Variants in ZNF589 observed in about 807,000 individuals in gnomAD.
The protein encoded by ZNF589 is zinc finger protein 589.
Under a neutral mutation model 13.6 loss-of-function variants are expected in ZNF589, and 17 were observed. That is an observed-to-expected ratio of 1.25 (90% CI 0.86 to 1.88). The LOEUF (loss-of-function observed/expected upper bound fraction) is 1.88. Among genes scored for constraint, ZNF589 ranks in the 40% most tolerant of loss-of-function variants. The probability of loss-of-function intolerance (pLI) is 0.00; values close to 1 mark genes in which losing one functional copy is unlikely to be tolerated. For synonymous variants in ZNF589, 148 were observed against 161.6 expected (o/e 0.92, Z 0.64); for missense variants, 407 against 434.0 (o/e 0.94, Z 0.55).
intron 3 of ZNF589, 38 bp from the exon 4 acceptor site, chr3:48,267,877 T>G (rs368415298): frequency 5.7e-5 from 89 of 1,562,868 alleles, no homozygotes; most frequent in Non-Finnish European, 7.5e-5. Flanking sequence ...AGTCAGCCCT[T>G]CCTATGACTC....
In ZNF589 at chr3:48,268,056, G is replaced by A. The variant is rs778741057; in HGVS notation, c.365G>A (p.Cys122Tyr). Residue 122 changes from cysteine to tyrosine, a missense_variant, in exon 4 of 4, where the codon TGC (cysteine) becomes TAC (tyrosine). Physicochemically the swap from Cys to Tyr is radical, Grantham distance 194. Coordinates refer to ENST00000354698, the MANE Select transcript of ZNF589 (RefSeq NM_016089.3). ...AGNQLHPGNPCPEDQPQSQHP... is the reference protein window; with the variant it reads ...AGNQLHPGNPYPEDQPQSQHP... ...AATCAACTCCACCCAGGAAATCCCTGCCCAGAGGATCAGCCACAGTCACAA... is the reference window on the plus strand; with the variant it reads ...AATCAACTCCACCCAGGAAATCCCTACCCAGAGGATCAGCCACAGTCACAA... 2 of 1,614,180 alleles carry A rather than the reference G, an allele frequency of 1.2e-6. No individual in the cohort carries two copies. The highest frequency in any genetic ancestry group is 1.7e-6 in the Non-Finnish European group (2 of 1,180,038).
At chr3:48,262,522 A>G (rs1322032663) in intron 3 of ZNF589, among the ~76,000 whole-genome samples, 1 of 152,178 alleles carries the variant, frequency 6.6e-6, no homozygotes, top group Non-Finnish European at 1.5e-5. Flanking sequence ...CAGTATCATG[A>G]TCAGAACTCA....
At position 48,268,384 on chromosome 3, in the gene ZNF589, C is replaced by G. The variant is rs2106851092; in HGVS notation, c.693C>G (p.Phe231Leu). ...CTTTTAACCAGAAGTCAAACCTGTT[C>G]AGACAGAAGGCAGTCACAGCAGAAA... ...ALAFNQKSNL[F>L]RQKAVTAEKS... The change falls in exon 4 of 4, where the codon TTC becomes TTG. Residue 231 changes from phenylalanine (F) to leucine (L), a missense_variant. Phe to Leu is a conservative substitution (Grantham distance 22). Coordinates refer to ENST00000354698, the MANE Select transcript of ZNF589 (RefSeq NM_016089.3). The G allele has an allele frequency of 6.2e-7, 1 of 1,614,156 alleles. No homozygotes were observed. The highest frequency in any genetic ancestry group is 2.2e-5 in the East Asian group (1 of 44,888).
At chr3:48,242,265 C>G (rs2033707091) in intron 1 of ZNF589, among the ~76,000 whole-genome samples, 1 of 152,128 alleles carries the variant, frequency 6.6e-6, no homozygotes, top group South Asian at 2.1e-4. Flanking sequence ...GACACGCCAC[C>G]ACGCCCGGCT....
rs757911393 is a variant in ZNF589, at chr3:48,268,066, T to C, written c.375T>C (p.Asp125=). Residue 125 remains aspartate (D), a synonymous_variant, in exon 4 of 4, where the codon GAT becomes GAC. Coordinates refer to ENST00000354698, the MANE Select transcript of ZNF589 (RefSeq NM_016089.3). ...ACCCAGGAAATCCCTGCCCAGAGGA[T>C]CAGCCACAGTCACAACATCCTTCTG... ...QLHPGNPCPE[D]QPQSQHPSDK... 6.8e-6 allele frequency: 11 copies of C among 1,614,068 alleles called. No homozygotes were observed. The highest frequency in any genetic ancestry group is 6.7e-5 in the Admixed American group (4 of 60,004).
chr3:48,268,506 G>A lies in ZNF589; in HGVS notation c.815G>A (p.Gly272Glu). 1 of 1,613,468 alleles carries A rather than the reference G, an allele frequency of 6.2e-7. No homozygotes were observed. The highest frequency in any genetic ancestry group is 8.5e-7 in the Non-Finnish European group (1 of 1,179,812). ...QLIIHQRTHT[G>E]EKPYVCGECG... ...ATCATACACCAGAGGACACACACAG[G>A]AGAAAAGCCTTATGTCTGCGGAGAG... Residue 272 changes from glycine to glutamate, a missense_variant, in exon 4 of 4, where the codon GGA becomes GAA. Gly to Glu is a moderately conservative substitution (Grantham distance 98). Coordinates refer to ENST00000354698, the MANE Select transcript of ZNF589 (RefSeq NM_016089.3).
intron 3 of ZNF589, among the ~76,000 whole-genome samples, chr3:48,266,424 C>G (rs1056846461): frequency 6.6e-6 from 1 of 152,204 alleles, no homozygotes; most frequent in African/African-American, 2.4e-5. Context: ...TCCAGAGGAG[C>G]TACTGAAACC....
rs767912910 is a variant in ZNF589, at chr3:48,268,760, G to C, written c.1069G>C (p.Asp357His). ...LIKHQRIHTG[D>H]KPYVCRD is the part of the protein sequence containing the mutation. ...TAAGCACCAGAGAATTCACACGGGG[G>C]ATAAGCCTTATGTGTGCAGAGATTG... is the stretch of plus-strand genomic sequence containing the variant. The change falls in exon 4 of 4, where the codon GAT becomes CAT. Residue 357 changes from aspartate (D) to histidine (H), a missense_variant. Asp to His is a moderately conservative substitution (Grantham distance 81). Coordinates refer to ENST00000354698, the MANE Select transcript of ZNF589 (RefSeq NM_016089.3). 1.9e-6 allele frequency: 3 copies of C among 1,613,796 alleles called. No homozygotes were observed. In the Admixed American group the frequency reaches 5.0e-5, roughly 27 times the overall value.
rs368247033 is a variant in ZNF589 at position 48,269,595 on chromosome 3, CGG to C, written c.*813_*814del. 1.9e-3 allele frequency: 651 copies of C among 338,996 alleles called. 7 individuals carry two copies. Among genetic ancestry groups the C allele is most frequent in the African/African-American group, 0.013 (619 of 46,826 alleles). The allele number at this position is 338,996 out of a possible 1,614,324, so 21.0% of individuals were successfully genotyped here. Reference sequence around the variant, plus strand: ...CTCAGCTTACATCAGAGGATACACTCGGGGGAGAAGCCTTATGCATGCGTGGA... The same window carrying C: ...CTCAGCTTACATCAGAGGATACACTCGGGAGAAGCCTTATGCATGCGTGGA... On this transcript the variant is annotated 3_prime_UTR_variant, in exon 4 of 4. Transcript: ENST00000354698.
In ZNF589 at chr3:48,269,368, C is replaced by T; in HGVS notation, c.*582C>T. 1 of 756,666 alleles carries T rather than the reference C, an allele frequency of 1.3e-6. No individual in the cohort carries two copies. Among genetic ancestry groups the T allele is most frequent in the South Asian group, 1.8e-5 (1 of 54,418 alleles). The allele number at this position is 756,666 out of a possible 1,614,324, so 46.9% of individuals were successfully genotyped here. On this transcript the variant is annotated 3_prime_UTR_variant, in exon 4 of 4. Transcript: ENST00000354698. ...CCAAGGAAAAACCTTATGTGTGCAGCCAGTGTGGGCGAGGCTTTTGTGATA... is the reference window on the plus strand; with the variant it reads ...CCAAGGAAAAACCTTATGTGTGCAGTCAGTGTGGGCGAGGCTTTTGTGATA...
chr3:48,249,805 C>T (rs1180025441), intron 2 of ZNF589, among the ~76,000 whole-genome samples: 1 of 152,136 alleles, frequency 6.6e-6, no homozygotes, highest in African/African-American at 2.4e-5. Context: ...ATGAGAACAT[C>T]CAAAAGCCTC....
chr3:48,246,765 T>C (rs995344619), intron 1 of ZNF589, among the ~76,000 whole-genome samples: 1 of 151,752 alleles, frequency 6.6e-6, no homozygotes, highest in Admixed American at 6.6e-5. Flanking sequence ...GCCTCCCGGG[T>C]TCATGCCATT....
intron 2 of ZNF589, chr3:48,256,458 G>A (rs920030552): frequency 5.3e-6 from 3 of 567,858 alleles, no homozygotes; most frequent in East Asian, 3.9e-5. Context: ...TTGTAGATGG[G>A]CATGAGGGTG....
Position 48,269,028 on chromosome 3 carries a change from G to A in ZNF589, c.*242G>A. 1.4e-6 allele frequency: 1 copy of A among 691,748 alleles called. No individual in the cohort carries two copies. The highest frequency in any genetic ancestry group is 1.8e-5 in the South Asian group (1 of 56,204). 42.9% of individuals were successfully genotyped at this position (691,748 alleles called of 1,614,324 possible). On this transcript the variant is annotated 3_prime_UTR_variant, in exon 4 of 4. Coordinates refer to ENST00000354698, the MANE Select transcript of ZNF589 (RefSeq NM_016089.3). ...CACTCAGGGGAGAAGCCTTATGTGTGTGGGGAATGTGGGCGGGGATTTAGC... is the reference window on the plus strand; with the variant it reads ...CACTCAGGGGAGAAGCCTTATGTGTATGGGGAATGTGGGCGGGGATTTAGC...
chr3:48,260,600 C>T (rs752899485), intron 2 of ZNF589, among the ~76,000 whole-genome samples: 4 of 152,072 alleles, frequency 2.6e-5, no homozygotes, highest in Non-Finnish European at 4.4e-5. Flanking sequence ...GTGGAGACAG[C>T]GTTTCACCAT....
intron 2 of ZNF589, among the ~76,000 whole-genome samples, chr3:48,250,901 G>T (rs944163299): frequency 2.0e-5 from 3 of 151,962 alleles, no homozygotes; most frequent in South Asian, 4.2e-4. Flanking sequence ...CTATAAAATG[G>T]TTTTTTAAAT....
At position 48,269,852 on chromosome 3, in the gene ZNF589, C is replaced by T; in HGVS notation, c.*1066C>T. ...TGTCAGAGGACACACTCGGGAGAAA[C>T]CTTCATGGAGTGAGAGTAAGGTGTT... On this transcript the variant is annotated 3_prime_UTR_variant, in exon 4 of 4. Coordinates refer to ENST00000354698, the MANE Select transcript of ZNF589 (RefSeq NM_016089.3). 1 of 364,246 alleles carries T rather than the reference C, an allele frequency of 2.7e-6. No homozygotes were observed. Among genetic ancestry groups the T allele is most frequent in the South Asian group, 2.1e-5 (1 of 47,996 alleles). 22.6% of individuals were successfully genotyped at this position (364,246 alleles called of 1,614,324 possible).
At chr3:48,246,769 T>C (rs1005089993) in intron 1 of ZNF589, among the ~76,000 whole-genome samples, 1 of 151,972 alleles carries the variant, frequency 6.6e-6, no homozygotes, top group South Asian at 2.1e-4. Flanking sequence ...CCCGGGTTCA[T>C]GCCATTCTCC....
intron 2 of ZNF589, chr3:48,257,778 C>T: frequency 1.0e-5 from 2 of 195,504 alleles, no homozygotes; most frequent in Non-Finnish European, 2.2e-5. Context: ...ATTTTTTTGT[C>T]TGTGAATATC....
Sources: allele counts gnomAD v4.1 joint callset (sites outside exome capture counted in the v4.1 genomes callset), GRCh38; gene constraint gnomAD v4.1.1; transcripts MANE v1.5; gene names NCBI Gene and HGNC (gene_info 2026-07-23, HGNC 2026-07-21).